NTRK1: variants seen among roughly 807,000 people sequenced by gnomAD.
NTRK1 encodes neurotrophic receptor tyrosine kinase 1, also known as high affinity nerve growth factor receptor.
NTRK1 carries 62 observed loss-of-function variants against 86.8 expected under a neutral mutation model. That is an observed-to-expected ratio of 0.71 (90% confidence interval 0.58 to 0.88). NTRK1 has a LOEUF of 0.88. Ranked by LOEUF, NTRK1 falls within the 40% of genes least tolerant of loss-of-function variation. The pLI, the probability that NTRK1 is intolerant of heterozygous loss-of-function variation, is 0.00. For synonymous variants in NTRK1, 469 were observed against 456.6 expected, an observed-to-expected ratio of 1.03 and a Z score of -0.35; for missense variants, 967 against 1,078.4, an observed-to-expected ratio of 0.90 and a Z score of 1.45.
intron 7 of NTRK1, among the ~76,000 whole-genome samples, chr1:156,873,061 G>GTT (rs1647662071): frequency 6.7e-6 from 1 of 148,816 alleles, no homozygotes; most frequent in Non-Finnish European, 1.5e-5. Flanking sequence ...GTGTGTGTGT[G>GTT]TTTGAAGAGA....
chr1:156,878,380 A>T (rs928430091), intron 14 of NTRK1, among the ~76,000 whole-genome samples: 1 of 152,184 alleles, frequency 6.6e-6, no homozygotes, highest in African/African-American at 2.4e-5. Flanking sequence ...GGTGCCTGCC[A>T]GGTGCCCCTC....
chr1:156,869,048 C>T (rs532503117), intron 6 of NTRK1, among the ~76,000 whole-genome samples: 2 of 145,804 alleles, frequency 1.4e-5, no homozygotes, highest in South Asian at 2.3e-4. Flanking sequence ...TCCTTCCTTC[C>T]TTCCTTCCTT....
chr1:156,848,349 G>A (rs564579353), intron 2 of NTRK1, among the ~76,000 whole-genome samples: 1 of 152,302 alleles, frequency 6.6e-6, no homozygotes, highest in African/African-American at 2.4e-5. Context: ...TTCCCAGCCT[G>A]CATCTGAAAT....
In NTRK1 at chr1:156,860,895, C is replaced by G; in HGVS notation, c.-40C>G. On this transcript the variant is annotated 5_prime_UTR_variant, in exon 1 of 17. Coordinates refer to ENST00000524377, the MANE Select transcript of NTRK1 (RefSeq NM_002529.4). ...CCTGGCAGCTGCAGCTGGGAGCGCACAGACGGCTGCCCCGCCTGAGCGAGG... is the reference window on the plus strand; with the variant it reads ...CCTGGCAGCTGCAGCTGGGAGCGCAGAGACGGCTGCCCCGCCTGAGCGAGG... 1 of 1,409,980 alleles carries G rather than the reference C, an allele frequency of 7.1e-7. No individual in the cohort carries two copies. The highest frequency in any genetic ancestry group is 1.5e-5 in the African/African-American group (1 of 65,998). The allele number at this position is 1,409,980 out of a possible 1,614,324, so 87.3% of individuals were successfully genotyped here. A position where few individuals can be genotyped will look rare whatever the true frequency, so the allele number is the denominator to read the frequency against.
chr1:156,845,023 A>C, intron 2 of NTRK1: 1 of 1,557,800 alleles, frequency 6.4e-7, no homozygotes, highest in Non-Finnish European at 8.7e-7. Flanking sequence ...ACCTTTGCAC[A>C]GGGTCCTTGG....
In NTRK1 at chr1:156,881,578, A is replaced by T. The variant is rs747000254; in HGVS notation, c.2327A>T (p.Asp776Val). ...REPQQRHSIKDVHARLQALAQ... is the reference protein window; with the variant it reads ...REPQQRHSIKVVHARLQALAQ... ...CCCCAGCAACGCCACAGCATCAAGG[A>T]TGTGCACGCCCGGCTGCAAGCCCTG... The change falls in exon 17 of 17, where the codon GAT (aspartate) becomes GTT (valine). Residue 776 changes from aspartate (D) to valine (V), a missense_variant. Physicochemically the swap from Asp to Val is radical, Grantham distance 152. Coordinates refer to ENST00000524377, the MANE Select transcript of NTRK1 (RefSeq NM_002529.4). The T allele has an allele frequency of 3.7e-6, 6 of 1,611,768 alleles. 1 individual carries two copies. The highest frequency in any genetic ancestry group is 2.2e-5 in the East Asian group (1 of 44,816).
Position 156,849,602 on chromosome 1 carries a change from G to A in NTRK1, c.50+7409G>A, listed in dbSNP as rs944559452. ...AGTGGCTGGCTCACACCAGCACACC[G>A]GGGGCATTCGTGCATACCCACTCTG... On this transcript the variant is annotated intron_variant, in intron 2 of 16. Transcript: ENST00000392302. The A allele has an allele frequency of 5.0e-5, 32 of 642,746 alleles. No homozygotes were observed. In the East Asian group the frequency reaches 5.2e-4, roughly 10 times the overall value. 39.8% of individuals were successfully genotyped at this position (642,746 alleles called of 1,614,324 possible). A position where few individuals can be genotyped will look rare whatever the true frequency, so the allele number is the denominator to read the frequency against.
At chr1:156,855,198 A>ATCTATCTATCTC (rs1655367858) in intron 2 of NTRK1, among the ~76,000 whole-genome samples, 1 of 145,978 alleles carries the variant, frequency 6.9e-6, no homozygotes. Context: ...CTATCTATCT[A>ATCTATCTATCTC]TCTATCTATC....
chr1:156,834,282 G>A (rs1654542565), intron 1 of NTRK1, among the ~76,000 whole-genome samples: 1 of 152,154 alleles, frequency 6.6e-6, no homozygotes, highest in Non-Finnish European at 1.5e-5. Context: ...AGGCTTGGTG[G>A]TGGGTGACAC....
rs900208040 is a variant in NTRK1 at position 156,874,873 on chromosome 1, C to T, written c.1252-33C>T. The T allele has an allele frequency of 2.0e-6, 3 of 1,482,270 alleles. No individual in the cohort carries two copies. The African/African-American group carries it at 4.2e-5, about 21-fold the overall frequency. The allele number at this position is 1,482,270 out of a possible 1,614,324, so 91.8% of individuals were successfully genotyped here. ...GGAGGCTCTGAGAGTACAGGAGGAGCCCCTGGATCTAACTACCCCTGTCCC... is the reference window on the plus strand; with the variant it reads ...GGAGGCTCTGAGAGTACAGGAGGAGTCCCTGGATCTAACTACCCCTGTCCC... On this transcript the variant is annotated intron_variant, in intron 10 of 16. Coordinates refer to ENST00000524377, the MANE Select transcript of NTRK1 (RefSeq NM_002529.4).
intron 1 of NTRK1, among the ~76,000 whole-genome samples, chr1:156,838,168 C>T (rs1269564955): frequency 6.6e-6 from 1 of 152,080 alleles, no homozygotes; most frequent in Non-Finnish European, 1.5e-5. Flanking sequence ...CCTCTCTCCC[C>T]AGAGAACTCC....
chr1:156,850,960 C>A (rs1655184269), intron 2 of NTRK1, among the ~76,000 whole-genome samples: 1 of 152,184 alleles, frequency 6.6e-6, no homozygotes, highest in Non-Finnish European at 1.5e-5. Context: ...CTGCAGCTGA[C>A]AGGACCAGAT....
At chr1:156,865,248 C>T (rs1338966384) in intron 3 of NTRK1, among the ~76,000 whole-genome samples, 1 of 152,136 alleles carries the variant, frequency 6.6e-6, no homozygotes, top group Non-Finnish European at 1.5e-5. Flanking sequence ...AACTATCCCT[C>T]CTGTAGAGCA....
intron 1 of NTRK1, among the ~76,000 whole-genome samples, chr1:156,827,254 A>T (rs11264560): frequency 2.2e-5 from 1 of 46,462 alleles, no homozygotes; most frequent in East Asian, 9.6e-4. Flanking sequence ...ATTAATTTTT[A>T]TTTTTTTATT....
At position 156,868,195 on chromosome 1, in the gene NTRK1, A is replaced by G. The variant is rs1647285893; in HGVS notation, c.520A>G (p.Lys174Glu). ...GGGACTGGGCGGAGTGCCTGAACAG[A>G]AGCTGCAGTGTCATGGGCAAGGGCC... ...EEGLGGVPEQ[K>E]LQCHGQGPLA... Residue 174 changes from lysine (K) to glutamate (E), a missense_variant, in exon 5 of 17, where the codon AAG becomes GAG. Transcript: ENST00000524377. 1.9e-6 allele frequency: 3 copies of G among 1,613,426 alleles called. No homozygotes were observed. Among genetic ancestry groups the G allele is most frequent in the Non-Finnish European group, 2.5e-6 (3 of 1,180,040 alleles).
chr1:156,826,464 C>A (rs1654319793), intron 1 of NTRK1, among the ~76,000 whole-genome samples: 1 of 151,916 alleles, frequency 6.6e-6, no homozygotes, highest in Non-Finnish European at 1.5e-5. Context: ...CTGTGCCCGG[C>A]TAATTTTTTG....
intron 15 of NTRK1, 101 bp downstream of exon 15, chr1:156,879,463 G>C: frequency 6.9e-7 from 1 of 1,451,226 alleles, no homozygotes; most frequent in Admixed American, 2.0e-5. Flanking sequence ...ATGGCTGCAT[G>C]GGTCTGAGAT....
At chr1:156,850,871 TA>T (rs993393116) in intron 2 of NTRK1, among the ~76,000 whole-genome samples, 1 of 152,152 alleles carries the variant, frequency 6.6e-6, no homozygotes. Flanking sequence ...CTTTTTATTT[TA>T]AAAAATGCTG....
At chr1:156,878,908 T>A (rs1016338386) in intron 14 of NTRK1, among the ~76,000 whole-genome samples, 6 of 152,130 alleles carry the variant, frequency 3.9e-5, no homozygotes, top group Non-Finnish European at 8.8e-5. Flanking sequence ...GTGGGAACCA[T>A]GGGCTGTCTC....
Sources: allele counts gnomAD v4.1 joint callset (sites outside exome capture counted in the v4.1 genomes callset), GRCh38; gene constraint gnomAD v4.1.1; transcripts MANE v1.5; gene names NCBI Gene and HGNC (gene_info 2026-07-23, HGNC 2026-07-21).